CDH11: variants seen among roughly 807,000 people sequenced by gnomAD.
CDH11 encodes the protein cadherin 11.
CDH11 carries 11 observed loss-of-function variants against 67.8 expected under a neutral mutation model. That is an observed-to-expected ratio of 0.16 (90% CI 0.10 to 0.27). The LOEUF (loss-of-function observed/expected upper bound fraction) is 0.27, where lower values mean the gene tolerates loss of function less well. Among genes scored for constraint, CDH11 ranks in the 10% least tolerant of loss-of-function variants. CDH11 has a pLI of 1.00. For synonymous variants in CDH11, 419 were observed against 400.0 expected (o/e 1.05, Z -0.57); for missense variants, 847 against 1,031.2 (o/e 0.82, Z 2.45).
In CDH11 at chr16:64,982,270, C is replaced by G. The variant is rs201648775; in HGVS notation, c.1031G>C (p.Ser344Thr). Reference sequence around the variant, plus strand: ...CACGTTGGCTGCCTCTACCTTCAAGCTATAGGCTCTTTTGGTTTCAAAATC... The same window carrying G: ...CACGTTGGCTGCCTCTACCTTCAAGGTATAGGCTCTTTTGGTTTCAAAATC... Reference protein sequence around the residue: ...PVDFETKRAYSLKVEAANVHI... With the variant: ...PVDFETKRAYTLKVEAANVHI... Residue 344 changes from serine (S) to threonine (T), a missense_variant, in exon 8 of 13, where the codon AGC becomes ACC. Physicochemically the swap from Ser to Thr is moderately conservative, Grantham distance 58 (BLOSUM62 1). Transcript: ENST00000268603. 42 of 1,612,122 alleles carry G rather than the reference C, an allele frequency of 2.6e-5. No homozygotes were observed. Among genetic ancestry groups the G allele is most frequent in the Non-Finnish European group, 8.5e-6 (10 of 1,178,406 alleles).
At chr16:64,992,834 C>T in intron 5 of CDH11, 81 bp downstream of exon 5, 1 of 1,331,500 alleles carries the variant, frequency 7.5e-7, no homozygotes, top group Non-Finnish European at 1.1e-6. Flanking sequence ...TTTGAGAAAA[C>T]AGAGTATTAA....
intron 1 of CDH11, among the ~76,000 whole-genome samples, chr16:65,103,929 A>T (rs918620259): frequency 1.3e-5 from 2 of 152,192 alleles, no homozygotes; most frequent in Non-Finnish European, 2.9e-5. Context: ...TTATTAAAAT[A>T]AATATTCCCT....
At position 64,982,240 on chromosome 16, in the gene CDH11, A is replaced by T. The variant is rs1201257945; in HGVS notation, c.1061T>A (p.Ile354Asn). ...GCCATTGCTGATAAACTTCGGGTCG[A>T]TGTGCACGTTGGCTGCCTCTACCTT... ...SLKVEAANVH[I>N]DPKFISNGPF... The change falls in exon 8 of 13, where the codon ATC becomes AAC. Residue 354 changes from isoleucine to asparagine, a missense_variant. Physicochemically the swap from Ile to Asn is moderately radical, Grantham distance 149. Around this residue, in one of 2 missense-constraint regions of CDH11, gnomAD observed 612 missense variants for 678.7 expected, o/e 0.90. Transcript: ENST00000268603. 6.2e-7 allele frequency: 1 copy of T among 1,613,634 alleles called. No individual in the cohort carries two copies. Among genetic ancestry groups the T allele is most frequent in the Non-Finnish European group, 8.5e-7 (1 of 1,179,588 alleles).
At chr16:65,111,731 G>C (rs1308509523) in intron 1 of CDH11, among the ~76,000 whole-genome samples, 3 of 148,772 alleles carry the variant, frequency 2.0e-5, no homozygotes, top group African/African-American at 7.5e-5. Context: ...AGTTCAATCT[G>C]GAGATTTTAA....
At chr16:65,119,202 G>GT (rs1367377958) in intron 1 of CDH11, 2 of 152,114 alleles carry the variant, frequency 1.3e-5, no homozygotes, top group Non-Finnish European at 2.9e-5. Flanking sequence ...ATGAAGACAA[G>GT]TGCATTAAAA....
At chr16:65,118,125 G>A (rs984861626) in intron 1 of CDH11, among the ~76,000 whole-genome samples, 4 of 152,198 alleles carry the variant, frequency 2.6e-5, no homozygotes, top group African/African-American at 9.6e-5. Context: ...CTCAAAAGCA[G>A]ATGGGCTCCA....
In CDH11 at chr16:64,973,162, T is replaced by C. The variant is rs867953958; in HGVS notation, c.1254-122A>G. 19 of 996,796 alleles carry C rather than the reference T, an allele frequency of 1.9e-5. No homozygotes were observed. In the African/African-American group the frequency reaches 2.3e-4, roughly 12 times the overall value. The allele number at this position is 996,796 out of a possible 1,614,324, so 61.7% of individuals were successfully genotyped here. On this transcript the variant is annotated intron_variant, in intron 8 of 12. Coordinates refer to ENST00000268603, the MANE Select transcript of CDH11 (RefSeq NM_001797.4). ...ATGAATTACTTAAGCTAGATTTTCT[T>C]TCTAATCAAATTTACTTTTGAAACT... is the stretch of plus-strand genomic sequence containing the variant.
Position 64,945,301 on chromosome 16 carries a change from TAAAAAAA to T in CDH11, c.*2295_*2301del, listed in dbSNP as rs3046001. 7 of 388,322 alleles carry T rather than the reference TAAAAAAA, an allele frequency of 1.8e-5. No individual in the cohort carries two copies. The highest frequency in any genetic ancestry group is 1.5e-4 in the African/African-American group (6 of 40,048). 24.1% of individuals were successfully genotyped at this position (388,322 alleles called of 1,614,324 possible). A position where few individuals can be genotyped will look rare whatever the true frequency, so the allele number is the denominator to read the frequency against. On this transcript the variant is annotated 3_prime_UTR_variant, in exon 13 of 13. Transcript: ENST00000268603. ...AGAGGCTTAACGAAAAAATAAAAGG[TAAAAAAA>T]AAAAAAAAAAAGAAAAAGAAAAACA...
Position 64,943,955 on chromosome 16 carries a change from C to T in CDH11, c.*3648G>A, listed in dbSNP as rs1252873890. 2 of 230,868 alleles carry T rather than the reference C, an allele frequency of 8.7e-6. No homozygotes were observed. The highest frequency in any genetic ancestry group is 2.2e-5 in the African/African-American group (1 of 45,262). The allele number at this position is 230,868 out of a possible 1,614,324, so 14.3% of individuals were successfully genotyped here. A position where few individuals can be genotyped will look rare whatever the true frequency, so the allele number is the denominator to read the frequency against. ...TAAGTTTAAAGAGTTGTCATCGATA[C>T]AAAATAACAAGGGTGACCTGCTTTC... On this transcript the variant is annotated 3_prime_UTR_variant, in exon 13 of 13. Transcript: ENST00000268603.
chr16:64,953,838 C>T (rs1352505791), intron 11 of CDH11, among the ~76,000 whole-genome samples: 1 of 152,158 alleles, frequency 6.6e-6, no homozygotes, highest in East Asian at 1.9e-4. Context: ...AATTGAATTT[C>T]TAGGTCAAAG....
chr16:65,011,983 C>T (rs1244423449), intron 2 of CDH11, among the ~76,000 whole-genome samples: 1 of 152,156 alleles, frequency 6.6e-6, no homozygotes, highest in African/African-American at 2.4e-5. Flanking sequence ...TTGGTAATAA[C>T]TTTTCAATGG....
chr16:65,001,813 A>AC (rs561201954), intron 3 of CDH11, among the ~76,000 whole-genome samples: 3 of 149,356 alleles, frequency 2.0e-5, no homozygotes, highest in East Asian at 3.9e-4. Flanking sequence ...AAAAAAAAAC[A>AC]AAAACCCAGT....
At chr16:64,973,375 T>G (rs2072065890) in intron 8 of CDH11, among the ~76,000 whole-genome samples, 1 of 152,224 alleles carries the variant, frequency 6.6e-6, no homozygotes, top group Non-Finnish European at 1.5e-5. Flanking sequence ...TGAGTTTGCC[T>G]TGCTCCCAAA....
chr16:65,088,867 C>G (rs545080826), intron 1 of CDH11, among the ~76,000 whole-genome samples: 2 of 152,094 alleles, frequency 1.3e-5, no homozygotes, highest in Non-Finnish European at 2.9e-5. Flanking sequence ...TTTATACTTT[C>G]GTCAGCAGAG....
At chr16:65,032,345 C>T (rs1190790047) in intron 2 of CDH11, among the ~76,000 whole-genome samples, 1 of 142,002 alleles carries the variant, frequency 7.0e-6, no homozygotes, top group African/African-American at 2.7e-5. Flanking sequence ...AAAAAAAAAT[C>T]CAGGCATGGG....
chr16:65,115,180 C>T (rs145672382), intron 1 of CDH11, among the ~76,000 whole-genome samples: 1 of 151,932 alleles, frequency 6.6e-6, no homozygotes, highest in Admixed American at 6.6e-5. Flanking sequence ...ATACGCAGAA[C>T]GAACAGAGGG....
At chr16:65,002,399 T>C (rs1350035443) in intron 3 of CDH11, among the ~76,000 whole-genome samples, 2 of 152,214 alleles carry the variant, frequency 1.3e-5, no homozygotes, top group Non-Finnish European at 2.9e-5. Flanking sequence ...GAATGATTCA[T>C]GCACAGCCCT....
intron 8 of CDH11, among the ~76,000 whole-genome samples, chr16:64,979,179 G>A (rs1374635608): frequency 2.6e-5 from 4 of 152,250 alleles, no homozygotes; most frequent in African/African-American, 4.8e-5. Flanking sequence ...GCCAGGTGCA[G>A]TGGCTCATGC....
At chr16:65,067,191 A>G (rs2074326525) in intron 1 of CDH11, among the ~76,000 whole-genome samples, 1 of 136,056 alleles carries the variant, frequency 7.3e-6, no homozygotes, top group African/African-American at 2.5e-5. Flanking sequence ...ACAAAGAGTC[A>G]ACAGGAAAAA....
Sources: gnomAD v4.1 joint callset for allele counts (sites outside exome capture counted in the v4.1 genomes callset) on GRCh38, gnomAD v4.1.1 for gene constraint, gnomAD v4.1.1 regional missense constraint, MANE v1.5 for transcripts, NCBI Gene and HGNC (gene_info 2026-07-23, HGNC 2026-07-21) for gene names.